The following RSU1 variants were observed in gnomAD, a reference collection of about 807,000 sequenced individuals.
RSU1 encodes Ras suppressor protein 1, also known as rsu-1.
Under a neutral mutation model 31.1 loss-of-function variants are expected in RSU1, and 26 were observed. That is an observed-to-expected ratio of 0.84 (90% CI 0.61 to 1.16). The LOEUF (loss-of-function observed/expected upper bound fraction) is 1.16, where lower values mean the gene tolerates loss of function less well. Ranked by LOEUF, RSU1 falls within the 50% of genes most tolerant of loss-of-function variation. The pLI is 0.00. For synonymous variants in RSU1, 164 were observed against 136.3 expected (o/e 1.20, Z -1.41); for missense variants, 320 against 339.1 (o/e 0.94, Z 0.44).
intron 8 of RSU1, among the ~76,000 whole-genome samples, chr10:16,665,786 C>T (rs187986304): frequency 5.3e-5 from 8 of 152,220 alleles, no homozygotes; most frequent in East Asian, 1.9e-4. Flanking sequence ...AGATATTCCA[C>T]GGATCATCCT....
At chr10:16,609,574 G>A (rs1001382266) in intron 8 of RSU1, among the ~76,000 whole-genome samples, 60 of 152,318 alleles carry the variant, frequency 3.9e-4, no homozygotes, top group African/African-American at 1.4e-3. Context: ...AGCACCTCCC[G>A]GGCCCCGTAC....
At chr10:16,614,783 T>G (rs1433766276) in intron 8 of RSU1, among the ~76,000 whole-genome samples, 4 of 151,786 alleles carry the variant, frequency 2.6e-5, no homozygotes, top group African/African-American at 9.7e-5. Context: ...AAGGAATAGA[T>G]CACCATGCAG....
chr10:16,816,049 A>G (rs1838522639), intron 2 of RSU1, among the ~76,000 whole-genome samples: 1 of 152,228 alleles, frequency 6.6e-6, no homozygotes, highest in African/African-American at 2.4e-5. Flanking sequence ...GACAACCTGG[A>G]GAAGTGCGGA....
In RSU1 at chr10:16,722,784, ATG is replaced by A. The variant is rs74495250; in HGVS notation, c.599-27631_599-27630del. 4.5e-4 allele frequency among the ~76,000 whole-genome samples: 68 copies of A among 151,362 alleles called. 1 individual carries two copies. Among genetic ancestry groups the A allele is most frequent in the East Asian group, 2.9e-3 (14 of 4,806 alleles). On this transcript the variant is annotated intron_variant, in intron 7 of 8. Transcript: ENST00000345264. The stretch of plus-strand genomic sequence containing the variant: ...TATGTGTATATCTGTATATATGTGT[ATG>A]TGTGTGTCTATATACATATATACAC...
intron 3 of RSU1, among the ~76,000 whole-genome samples, chr10:16,775,319 G>A (rs1837505925): frequency 6.6e-6 from 1 of 152,156 alleles, no homozygotes; most frequent in Admixed American, 6.6e-5. Flanking sequence ...GAAAGTGACA[G>A]GCTTACACTC....
chr10:16,709,747 T>C (rs548969749), intron 7 of RSU1, among the ~76,000 whole-genome samples: 11 of 152,326 alleles, frequency 7.2e-5, no homozygotes, highest in African/African-American at 2.4e-4. Context: ...TGATGGCCAG[T>C]GATGATGAGC....
intron 7 of RSU1, chr10:16,721,508 A>G (rs1291300874): frequency 1.3e-5 from 2 of 152,226 alleles, no homozygotes; most frequent in African/African-American, 4.8e-5. Context: ...AGCAACAGTC[A>G]TTGCCAAACA....
At chr10:16,717,795 G>A (rs1272608441) in intron 7 of RSU1, among the ~76,000 whole-genome samples, 2 of 152,016 alleles carry the variant, frequency 1.3e-5, no homozygotes, top group Non-Finnish European at 1.5e-5. Flanking sequence ...TGTCTATCCC[G>A]CCTCTCAAGG....
chr10:16,771,181 T>A (rs1031477237), intron 3 of RSU1, among the ~76,000 whole-genome samples: 3 of 152,064 alleles, frequency 2.0e-5, no homozygotes, highest in Admixed American at 1.3e-4. Flanking sequence ...AACATGAGAA[T>A]AGGTGAAAAT....
chr10:16,781,886 TTCTCA>T, intron 3 of RSU1, 143 bp downstream of exon 3: 1 of 651,760 alleles, frequency 1.5e-6, no homozygotes, highest in Non-Finnish European at 2.7e-6. Context: ...GATGACAATA[TTCTCA>T]TCTTAGTGTC....
intron 4 of RSU1, among the ~76,000 whole-genome samples, chr10:16,758,152 C>G (rs921175665): frequency 7.0e-6 from 1 of 142,328 alleles, no homozygotes; most frequent in Non-Finnish European, 1.5e-5. Context: ...GTAGGCACAC[C>G]ACCCTGGCGG....
At chr10:16,734,424 G>A (rs906564804) in intron 7 of RSU1, among the ~76,000 whole-genome samples, 1 of 152,216 alleles carries the variant, frequency 6.6e-6, no homozygotes, top group African/African-American at 2.4e-5. Flanking sequence ...GTCAGTGGAT[G>A]GAACCTAGAA....
At chr10:16,680,456 AG>A (rs1835309512) in intron 8 of RSU1, among the ~76,000 whole-genome samples, 1 of 152,216 alleles carries the variant, frequency 6.6e-6, no homozygotes, top group Non-Finnish European at 1.5e-5. Context: ...CAATTTATAC[AG>A]AAAAGAAGTT....
intron 2 of RSU1, among the ~76,000 whole-genome samples, chr10:16,809,861 C>T (rs1838365592): frequency 1.3e-5 from 2 of 152,086 alleles, no homozygotes; most frequent in African/African-American, 4.8e-5. Context: ...AACTACTTCA[C>T]ATGTAATAGA....
At chr10:16,662,799 TA>T (rs1489318874) in intron 8 of RSU1, among the ~76,000 whole-genome samples, 1 of 152,192 alleles carries the variant, frequency 6.6e-6, no homozygotes, top group African/African-American at 2.4e-5. Flanking sequence ...AAAATCGGGT[TA>T]TTTTTCTCCT....
chr10:16,764,987 G>T (rs193287810), intron 3 of RSU1, among the ~76,000 whole-genome samples: 2 of 150,240 alleles, frequency 1.3e-5, no homozygotes, highest in Non-Finnish European at 2.9e-5. Flanking sequence ...ATGGCTAATG[G>T]GGGGGGAGAA....
At chr10:16,655,229 C>A (rs1456278563) in intron 8 of RSU1, among the ~76,000 whole-genome samples, 2 of 152,116 alleles carry the variant, frequency 1.3e-5, no homozygotes, top group South Asian at 4.1e-4. Flanking sequence ...TTTGCATCTT[C>A]TTCTGCAATG....
chr10:16,735,716 C>G (rs1321748100), intron 7 of RSU1, among the ~76,000 whole-genome samples: 1 of 151,958 alleles, frequency 6.6e-6, no homozygotes, highest in Non-Finnish European at 1.5e-5. Context: ...AGGAGAGGTG[C>G]CAAGCAAAAG....
intron 8 of RSU1, among the ~76,000 whole-genome samples, chr10:16,597,872 G>C (rs1175769646): frequency 6.6e-6 from 1 of 152,188 alleles, no homozygotes; most frequent in Non-Finnish European, 1.5e-5. Flanking sequence ...GCTGCTGTCC[G>C]CCGCACGATC....
Sources: gnomAD v4.1 joint callset for allele counts (sites outside exome capture counted in the v4.1 genomes callset) on GRCh38, gnomAD v4.1.1 for gene constraint, MANE v1.5 for transcripts, NCBI Gene and HGNC (gene_info 2026-07-23, HGNC 2026-07-21) for gene names.